The following MANBA variants were observed in gnomAD, a reference collection of about 807,000 sequenced individuals.
MANBA encodes mannosidase beta, also known as beta-mannosidase.
MANBA carries 83 observed loss-of-function variants against 111.1 expected under a neutral mutation model. That is an observed-to-expected ratio of 0.75 (90% CI 0.63 to 0.90). The LOEUF is 0.90. Ranked by LOEUF, MANBA falls within the 40% of genes least tolerant of loss-of-function variation. MANBA has a pLI of 0.00. For missense variants in MANBA, 1,036 were observed against 1,069.0 expected, an observed-to-expected ratio of 0.97 and a Z score of 0.43; for synonymous variants, 370 against 378.7, an observed-to-expected ratio of 0.98 and a Z score of 0.27.
intron 12 of MANBA, among the ~76,000 whole-genome samples, chr4:102,652,092 T>G (rs1352082254): frequency 1.3e-5 from 2 of 152,226 alleles, no homozygotes; most frequent in Non-Finnish European, 2.9e-5. Flanking sequence ...ATCATTTCTT[T>G]GTGTCGGGAA....
chr4:102,690,826 T>C, intron 5 of MANBA, 55 bp from the exon 6 acceptor site: 1 of 664,670 alleles, frequency 1.5e-6, no homozygotes, highest in Non-Finnish European at 2.1e-6. Context: ...ATGCTAAGCA[T>C]TATCACTGCA....
intron 14 of MANBA, among the ~76,000 whole-genome samples, chr4:102,638,759 A>G (rs1390851869): frequency 6.6e-6 from 1 of 152,206 alleles, no homozygotes; most frequent in East Asian, 1.9e-4. Context: ...GAGTTTGGTC[A>G]GAGAAATTTG....
At chr4:102,656,382 G>GA (rs1730559011) in intron 12 of MANBA, among the ~76,000 whole-genome samples, 1 of 152,126 alleles carries the variant, frequency 6.6e-6, no homozygotes, top group Non-Finnish European at 1.5e-5. Flanking sequence ...CAAATTTCCT[G>GA]TAAATGTAAA....
chr4:102,725,268 AT>A (rs1238869994), intron 2 of MANBA, among the ~76,000 whole-genome samples: 1 of 152,084 alleles, frequency 6.6e-6, no homozygotes, highest in Non-Finnish European at 1.5e-5. Flanking sequence ...TCAATAAAGT[AT>A]TTTTTTTAAA....
Position 102,662,282 on chromosome 4 carries a change from C to T in MANBA, c.1485+2403G>A, listed in dbSNP as rs370825497. ...GTGGGCCAGGCGTGGTGGCTCACAC[C>T]TGTAATCCCAGCACTTTCGGAGGCC... On this transcript the variant is annotated intron_variant, in intron 11 of 16. Transcript: ENST00000647097. 2.6e-5 allele frequency among the ~76,000 whole-genome samples: 4 copies of T among 152,128 alleles called. No homozygotes were observed. In the South Asian group the frequency reaches 6.2e-4, roughly 24 times the overall value.
rs971233334 is a variant in MANBA, at chr4:102,664,585, G to A, written c.1485+100C>T. ...GATCTCCTGACCTTGTGATCCGCCC[G>A]CCTCAGCCTCCCAAAGTGCTGGGAT... On this transcript the variant is annotated intron_variant, in intron 11 of 16. Coordinates refer to ENST00000647097, the MANE Select transcript of MANBA (RefSeq NM_005908.4). 70 of 1,027,256 alleles carry A rather than the reference G, an allele frequency of 6.8e-5. 1 individual carries two copies. Among genetic ancestry groups the A allele is most frequent in the East Asian group, 4.1e-4 (17 of 41,004 alleles). 63.6% of individuals were successfully genotyped at this position (1,027,256 alleles called of 1,614,324 possible).
In MANBA at chr4:102,650,892, G is replaced by T. The variant is rs1055656809; in HGVS notation, c.1705-191C>A. The T allele has an allele frequency of 1.0e-5, 6 of 579,642 alleles. No homozygotes were observed. In the African/African-American group the frequency reaches 1.1e-4, roughly 11 times the overall value. The allele number at this position is 579,642 out of a possible 1,614,324, so 35.9% of individuals were successfully genotyped here. On this transcript the variant is annotated intron_variant, in intron 12 of 16. Transcript: ENST00000647097. ...TGAAGGACTAGCCTTGTGGAAACTGGAATCACAAAACCAGGGTTTGGTACA... is the reference window on the plus strand; with the variant it reads ...TGAAGGACTAGCCTTGTGGAAACTGTAATCACAAAACCAGGGTTTGGTACA...
intron 1 of MANBA, chr4:102,727,313 C>G (rs2110196624): frequency 1.6e-6 from 1 of 638,092 alleles, no homozygotes; most frequent in South Asian, 1.8e-5. Context: ...CTTCCGTGCT[C>G]TCATTGATAT....
At chr4:102,713,896 CAAAA>C (rs987115592) in intron 5 of MANBA, among the ~76,000 whole-genome samples, 1 of 68,426 alleles carries the variant, frequency 1.5e-5, no homozygotes, top group Middle Eastern at 9.8e-3. Flanking sequence ...AACTCCATCT[CAAAA>C]AAAAAAAAAA....
intron 1 of MANBA, chr4:102,751,499 T>C: frequency 1.9e-6 from 1 of 531,424 alleles, no homozygotes; most frequent in Non-Finnish European, 3.8e-6. Flanking sequence ...TTGCTGACCT[T>C]AGTAACATCA....
chr4:102,674,665 C>G (rs1358065886), intron 7 of MANBA, among the ~76,000 whole-genome samples: 1 of 152,214 alleles, frequency 6.6e-6, no homozygotes, highest in African/African-American at 2.4e-5. Context: ...ACCACGCACT[C>G]TGTGCTATTG....
intron 4 of MANBA, among the ~76,000 whole-genome samples, chr4:102,716,241 G>A (rs1368478869): frequency 2.0e-5 from 3 of 148,978 alleles, no homozygotes; most frequent in South Asian, 2.1e-4. Flanking sequence ...CCCGGGAGGC[G>A]GAGGTTATAG....
intron 13 of MANBA, among the ~76,000 whole-genome samples, chr4:102,641,035 G>T (rs148667652): frequency 6.6e-4 from 101 of 152,312 alleles, no homozygotes; most frequent in Admixed American, 1.5e-3. Flanking sequence ...CTTCATCAAA[G>T]AATCACAGAA....
chr4:102,662,638 G>C (rs1363559177), intron 11 of MANBA: 1 of 160,080 alleles, frequency 6.2e-6, no homozygotes, highest in Non-Finnish European at 1.4e-5. Flanking sequence ...AAAGAGGAAA[G>C]GCACCTGATA....
intron 11 of MANBA, among the ~76,000 whole-genome samples, chr4:102,663,386 C>T (rs1017143369): frequency 1.3e-5 from 2 of 152,094 alleles, no homozygotes; most frequent in Non-Finnish European, 2.9e-5. Flanking sequence ...AACCACTATG[C>T]TATAAAATGA....
intron 1 of MANBA, among the ~76,000 whole-genome samples, chr4:102,736,310 A>G (rs191379582): frequency 1.9e-4 from 29 of 152,346 alleles, no homozygotes; most frequent in Admixed American, 5.2e-4. Flanking sequence ...CTAGTGATTT[A>G]TAATTGATAC....
chr4:102,690,029 C>T (rs1484169824), intron 6 of MANBA, among the ~76,000 whole-genome samples: 1 of 152,050 alleles, frequency 6.6e-6, no homozygotes, highest in Non-Finnish European at 1.5e-5. Context: ...TCTTTCAAGC[C>T]AAAAACTAAA....
intron 1 of MANBA, among the ~76,000 whole-genome samples, chr4:102,740,176 C>T (rs935722355): frequency 6.6e-6 from 1 of 152,156 alleles, no homozygotes; most frequent in Non-Finnish European, 1.5e-5. Context: ...AAATCAAGAA[C>T]TCAACCCCTT....
intron 5 of MANBA, among the ~76,000 whole-genome samples, chr4:102,695,797 G>A (rs1159419152): frequency 1.3e-5 from 2 of 152,098 alleles, no homozygotes; most frequent in African/African-American, 4.8e-5. Context: ...TGAATAATGA[G>A]GAAAAGCAAA....
Sources: gnomAD v4.1 joint callset for allele counts (sites outside exome capture counted in the v4.1 genomes callset) on GRCh38, gnomAD v4.1.1 for gene constraint, MANE v1.5 for transcripts, NCBI Gene and HGNC (gene_info 2026-07-23, HGNC 2026-07-21) for gene names.